The following SMG9 variants were observed in gnomAD, a reference collection of about 807,000 sequenced individuals.
SMG9 encodes nonsense-mediated mRNA decay factor SMG9.
A neutral mutation model predicts 64.0 loss-of-function variants in SMG9; 55 were observed. That is an observed-to-expected ratio of 0.86 (90% confidence interval 0.69 to 1.08). The LOEUF is 1.08. Among genes scored for constraint, SMG9 ranks in the 50% least tolerant of loss-of-function variants. The pLI is 0.00. For missense variants in SMG9, 554 were observed against 681.3 expected (o/e 0.81, Z 2.08); for synonymous variants, 244 against 254.8 (o/e 0.96, Z 0.41).
At chr19:43,744,978 CT>C in intron 5 of SMG9, 94 bp from the exon 6 acceptor site, 2 of 836,184 alleles carry the variant, frequency 2.4e-6, no homozygotes, top group Non-Finnish European at 1.9e-6. Flanking sequence ...GCTCCCCCAC[CT>C]GCCTTATCAT....
rs941317862 is a variant in SMG9 at position 43,743,058 on chromosome 19, G to A, written c.701+1714C>T. On this transcript the variant is annotated intron_variant, in intron 6 of 13. Transcript: ENST00000270066. ...CCACCGCCCTCCAGCCTGGGTGACA[G>A]AGCGAGACTGTCTCAAAAAAAAAAA... Among the ~76,000 whole-genome samples the A allele has an allele frequency of 4.6e-5, 7 of 151,894 alleles. No individual in the cohort carries two copies. The South Asian group carries it at 1.5e-3, about 32-fold the overall frequency.
In SMG9 at chr19:43,732,961, G is replaced by A. The variant is rs545016545; in HGVS notation, c.1381C>T (p.Arg461Cys). The A allele has an allele frequency of 1.7e-5, 28 of 1,613,820 alleles. No individual in the cohort carries two copies. Among genetic ancestry groups the A allele is most frequent in the South Asian group, 1.3e-4 (12 of 91,070 alleles). The stretch of plus-strand genomic sequence containing the variant: ...AAGGACTGGAAACTGGGGTGGCCAC[G>A]ATACCCAGGCAGCAGGGAGAAGAGT... The part of the protein sequence containing the change: ...SPLFSLLPGY[R>C]GHPSFQSLVS... Residue 461 changes from arginine to cysteine, a missense_variant, in exon 13 of 14, where the codon CGT (arginine) becomes TGT (cysteine). Coordinates refer to ENST00000270066, the MANE Select transcript of SMG9 (RefSeq NM_019108.4).
chr19:43,731,968 G>A (rs183023082), intron 13 of SMG9, among the ~76,000 whole-genome samples: 38 of 152,326 alleles, frequency 2.5e-4, no homozygotes, highest in Non-Finnish European at 4.7e-4. Context: ...CTGGCTTTGT[G>A]GGTGAGGGTT....
chr19:43,739,071 G>A (rs150005847), intron 7 of SMG9, among the ~76,000 whole-genome samples: 40 of 152,380 alleles, frequency 2.6e-4, no homozygotes, highest in Admixed American at 6.5e-4. Flanking sequence ...GAAGAGCTTC[G>A]GGCAGGCAGG....
At position 43,744,900 on chromosome 19, in the gene SMG9, T is replaced by G. The variant is rs370076963; in HGVS notation, c.589-16A>C. 1.4e-3 allele frequency: 2,309 copies of G among 1,596,842 alleles called. 41 individuals carry two copies. In the South Asian group the frequency reaches 0.023, roughly 16 times the overall value. On this transcript the variant is annotated splice_polypyrimidine_tract_variant and intron_variant, in intron 5 of 13. Transcript: ENST00000270066. Reference sequence around the variant, plus strand: ...CCAACAGGTACTGTGGGAAAATACATAAATGACTCTGACAAGTCTGTCAGC... The same window carrying G: ...CCAACAGGTACTGTGGGAAAATACAGAAATGACTCTGACAAGTCTGTCAGC...
In SMG9 at chr19:43,740,164, C is replaced by T; in HGVS notation, c.756G>A (p.Gln252=). Reference sequence around the variant, plus strand: ...TAATAAAGAAGTCGATGCCACTGGTCTGGTTGCCCCCTCGTTCCTTCATTT... The same window carrying T: ...TAATAAAGAAGTCGATGCCACTGGTTTGGTTGCCCCCTCGTTCCTTCATTT... The part of the protein sequence containing the change: ...SAEMKERGGN[Q]TSGIDFFITQ... The change falls in exon 7 of 14, where the codon CAG becomes CAA. Residue 252 remains glutamine (Q), a synonymous_variant. Coordinates refer to ENST00000270066, the MANE Select transcript of SMG9 (RefSeq NM_019108.4). The T allele has an allele frequency of 6.2e-7, 1 of 1,614,188 alleles. No individual in the cohort carries two copies. The highest frequency in any genetic ancestry group is 1.3e-5 in the African/African-American group (1 of 75,042).
intron 8 of SMG9, 183 bp from the exon 9 acceptor site, chr19:43,737,865 T>C: frequency 1.5e-6 from 1 of 663,560 alleles, no homozygotes; most frequent in Non-Finnish European, 2.6e-6. Flanking sequence ...AAGGTGGGAA[T>C]TATCACCCCC....
In SMG9 at chr19:43,734,399, G is replaced by T; in HGVS notation, c.1092C>A (p.Tyr364Ter). The T allele has an allele frequency of 6.4e-7, 1 of 1,554,086 alleles. No individual in the cohort carries two copies. ...CAGAAAGCCTCTCACCTAGGTGGGG[G>T]TAGTACTCGGTGCCTTCATCGGAGC... ...SSGSDEGTEY[Y>*]PHLVFLQNKA... The change falls in exon 10 of 14, where the codon TAC (tyrosine) becomes TAA (stop). Residue 364 changes from tyrosine to a stop codon, truncating the protein, a stop_gained. Transcript: ENST00000270066. LOFTEE classifies it high-confidence loss of function.
At chr19:43,747,410 G>T in intron 5 of SMG9, 32 bp downstream of exon 5, 1 of 1,601,158 alleles carries the variant, frequency 6.2e-7, no homozygotes. Context: ...CAGGATGTGC[G>T]GAAGCTCAGG....
intron 12 of SMG9, 126 bp downstream of exon 12, chr19:43,733,198 C>A: frequency 7.1e-7 from 1 of 1,402,486 alleles, no homozygotes; most frequent in Non-Finnish European, 9.7e-7. Context: ...TCTCTCAGAC[C>A]AGGTAGGCTC....
chr19:43,751,334 A>C (rs1969187488), intron 1 of SMG9, among the ~76,000 whole-genome samples: 1 of 151,536 alleles, frequency 6.6e-6, no homozygotes. Context: ...ATGGGGTTTC[A>C]CCATGTTGGC....
At chr19:43,749,504 T>C (rs1244540230) in intron 2 of SMG9, among the ~76,000 whole-genome samples, 1 of 152,180 alleles carries the variant, frequency 6.6e-6, no homozygotes, top group East Asian at 1.9e-4. Flanking sequence ...AGGAGGGCAT[T>C]ATGTGGAAGG....
In SMG9 at chr19:43,733,461, G is replaced by C. The variant is rs377013382; in HGVS notation, c.1211-9C>G. 6 of 1,613,864 alleles carry C rather than the reference G, an allele frequency of 3.7e-6. No individual in the cohort carries two copies. The highest frequency in any genetic ancestry group is 2.2e-5 in the East Asian group (1 of 44,888). On this transcript the variant is annotated splice_polypyrimidine_tract_variant and intron_variant, in intron 11 of 13. Transcript: ENST00000270066. ...TAACATGGACAGAGTTCCTGGAGGA[G>C]AAAACGCTTCAGCCTTCAGGTACCA...
At chr19:43,736,683 G>T (rs1968678218) in intron 9 of SMG9, among the ~76,000 whole-genome samples, 1 of 152,234 alleles carries the variant, frequency 6.6e-6, no homozygotes, top group South Asian at 2.1e-4. Flanking sequence ...CAGGCACTGT[G>T]TGAGGTGCTG....
Position 43,729,016 on chromosome 19 carries a change from G to A in SMG9, c.*2580C>T, listed in dbSNP as rs1968387494. On this transcript the variant is annotated 3_prime_UTR_variant, in exon 14 of 14. Coordinates refer to ENST00000270066, the MANE Select transcript of SMG9 (RefSeq NM_019108.4). Reference sequence around the variant, plus strand: ...GCAGTATATCTAGCTGGTGTCCACAGTGGCCTGCTGGCAGCATCAGCCTGA... The same window carrying A: ...GCAGTATATCTAGCTGGTGTCCACAATGGCCTGCTGGCAGCATCAGCCTGA... 1.0e-6 allele frequency: 1 copy of A among 985,642 alleles called. No individual in the cohort carries two copies. The highest frequency in any genetic ancestry group is 1.7e-5 in the African/African-American group (1 of 57,366). 61.1% of individuals were successfully genotyped at this position (985,642 alleles called of 1,614,324 possible).
chr19:43,734,283 GA>G, intron 10 of SMG9, 105 bp downstream of exon 10: 3 of 901,332 alleles, frequency 3.3e-6, no homozygotes, highest in Non-Finnish European at 5.2e-6. Context: ...GCTCCACCCA[GA>G]ACCCCACTCC....
intron 5 of SMG9, among the ~76,000 whole-genome samples, chr19:43,747,143 G>A (rs1239014640): frequency 6.6e-6 from 1 of 152,164 alleles, no homozygotes; most frequent in African/African-American, 2.4e-5. Context: ...GGGTACTGGA[G>A]CAGGGTCCAA....
chr19:43,745,940 G>A (rs1454434823), intron 5 of SMG9, among the ~76,000 whole-genome samples: 2 of 152,180 alleles, frequency 1.3e-5, no homozygotes, highest in Non-Finnish European at 2.9e-5. Context: ...GGCGGGGGTT[G>A]CGGTGAGCCG....
Position 43,734,397 on chromosome 19 carries a change from G to T in SMG9, c.1094C>A (p.Pro365His). Residue 365 changes from proline (P) to histidine (H), a missense_variant, in exon 10 of 14, where the codon CCC (proline) becomes CAC (histidine). Pro to His is a moderately conservative substitution (Grantham distance 77). Transcript: ENST00000270066. ...CCCAGAAAGCCTCTCACCTAGGTGG[G>T]GGTAGTACTCGGTGCCTTCATCGGA... ...SGSDEGTEYY[P>H]HLVFLQNKAR... 6.4e-7 allele frequency: 1 copy of T among 1,553,870 alleles called. No homozygotes were observed.
Sources: gnomAD v4.1 joint callset for allele counts (sites outside exome capture counted in the v4.1 genomes callset) on GRCh38, gnomAD v4.1.1 for gene constraint, MANE v1.5 for transcripts, NCBI Gene and HGNC (gene_info 2026-07-23, HGNC 2026-07-21) for gene names.